MPP7: variants seen among roughly 807,000 people sequenced by gnomAD.
MPP7 encodes the protein MAGUK p55 scaffold protein 7, also known as MAGUK p55 subfamily member 7.
In MPP7, 60 loss-of-function variants were observed where a neutral mutation model predicts 76.5. The observed-to-expected ratio is 0.78, with a 90% CI of 0.64 to 0.97. The LOEUF is 0.97. Ranked by LOEUF, MPP7 falls within the 50% of genes least tolerant of loss-of-function variation. The pLI is 0.00. For missense variants in MPP7, 641 were observed against 694.0 expected (o/e 0.92, Z 0.86); for synonymous variants, 237 against 244.5 (o/e 0.97, Z 0.29).
chr10:28,186,271 A>C (rs947694416), intron 3 of MPP7, among the ~76,000 whole-genome samples: 1 of 151,552 alleles, frequency 6.6e-6, no homozygotes, highest in Admixed American at 6.6e-5. Flanking sequence ...GCTTGAACCC[A>C]GGAGGTGGAG....
At chr10:28,068,131 T>A (rs1852067034) in intron 13 of MPP7, among the ~76,000 whole-genome samples, 1 of 152,156 alleles carries the variant, frequency 6.6e-6, no homozygotes, top group South Asian at 2.1e-4. Flanking sequence ...AGCTTAAAAA[T>A]TATTTTGTAA....
chr10:28,142,195 T>C (rs1835543183), intron 5 of MPP7, among the ~76,000 whole-genome samples: 1 of 152,186 alleles, frequency 6.6e-6, no homozygotes, highest in African/African-American at 2.4e-5. Flanking sequence ...TAAAAGTACA[T>C]ATTTCTACCC....
At chr10:28,105,275 A>G (rs1834287680) in intron 11 of MPP7, among the ~76,000 whole-genome samples, 1 of 151,662 alleles carries the variant, frequency 6.6e-6, no homozygotes, top group Non-Finnish European at 1.5e-5. Flanking sequence ...TTGAAGAAAC[A>G]TATTGTCTCA....
At chr10:28,307,634 A>G (rs1044392568), upstream of MPP7, 1 of 152,240 alleles carries the variant, frequency 6.6e-6, no homozygotes, top group Non-Finnish European at 1.5e-5. Flanking sequence ...CTCACAGGTA[A>G]TAAAAATCAT....
chr10:28,108,818 G>A (rs929091890), intron 11 of MPP7, among the ~76,000 whole-genome samples: 5 of 152,102 alleles, frequency 3.3e-5, no homozygotes, highest in African/African-American at 1.2e-4. Flanking sequence ...TCATTTTAAT[G>A]CCTTGAGCAA....
At chr10:28,109,859 A>AC (rs1834442189) in intron 11 of MPP7, among the ~76,000 whole-genome samples, 1 of 148,824 alleles carries the variant, frequency 6.7e-6, no homozygotes. Flanking sequence ...AAAAAAAAAA[A>AC]AAAAAAAAAA....
chr10:28,212,156 G>A (rs578048238), intron 2 of MPP7, among the ~76,000 whole-genome samples: 24 of 152,048 alleles, frequency 1.6e-4, no homozygotes, highest in Non-Finnish European at 2.9e-4. Context: ...CATCACTCTG[G>A]CTGCTGAATT....
At chr10:28,200,966 C>G (rs539681897) in intron 3 of MPP7, among the ~76,000 whole-genome samples, 1 of 152,140 alleles carries the variant, frequency 6.6e-6, no homozygotes, top group Non-Finnish European at 1.5e-5. Context: ...AACTTCCACA[C>G]AGTCAACTTA....
intron 2 of MPP7, among the ~76,000 whole-genome samples, chr10:28,209,950 T>A (rs1170721783): frequency 2.0e-5 from 3 of 152,190 alleles, no homozygotes; most frequent in Non-Finnish European, 2.9e-5. Flanking sequence ...TCACTGAGAG[T>A]CCAAATAGAT....
chr10:28,216,439 G>A (rs774534647), intron 2 of MPP7, among the ~76,000 whole-genome samples: 3 of 152,090 alleles, frequency 2.0e-5, no homozygotes, highest in Non-Finnish European at 4.4e-5. Context: ...GACAATATTG[G>A]CTGATGTAAA....
chr10:28,140,494 G>C (rs549199246), intron 5 of MPP7, among the ~76,000 whole-genome samples: 1 of 152,008 alleles, frequency 6.6e-6, no homozygotes, highest in African/African-American at 2.4e-5. Flanking sequence ...CTGGGCGACA[G>C]AGTGAGACTT....
intron 2 of MPP7, among the ~76,000 whole-genome samples, chr10:28,232,164 C>T (rs1838906337): frequency 6.6e-6 from 1 of 152,066 alleles, no homozygotes; most frequent in Admixed American, 6.6e-5. Flanking sequence ...TTGAGACCAG[C>T]CTGGGCAACA....
intron 3 of MPP7, among the ~76,000 whole-genome samples, chr10:28,165,156 T>C (rs767294876): frequency 2.6e-5 from 4 of 152,146 alleles, no homozygotes; most frequent in Non-Finnish European, 5.9e-5. Flanking sequence ...CCCCCAAAGA[T>C]GTCTGCATCC....
At chr10:28,208,500 G>T (rs1165531158) in intron 2 of MPP7, among the ~76,000 whole-genome samples, 1 of 152,216 alleles carries the variant, frequency 6.6e-6, no homozygotes, top group Non-Finnish European at 1.5e-5. Flanking sequence ...CTGGGAGTCT[G>T]CCCATGGGCG....
intron 11 of MPP7, among the ~76,000 whole-genome samples, chr10:28,116,105 T>C (rs1834657232): frequency 6.6e-6 from 1 of 152,170 alleles, no homozygotes; most frequent in African/African-American, 2.4e-5. Context: ...TAAAATACAC[T>C]ACCTGAATAA....
At chr10:28,155,318 G>A (rs890889186) in intron 3 of MPP7, among the ~76,000 whole-genome samples, 5 of 152,066 alleles carry the variant, frequency 3.3e-5, no homozygotes, top group South Asian at 2.1e-4. Context: ...GGCCAAGTGC[G>A]GTGGCTCACA....
chr10:28,154,620 T>C (rs1250517371), intron 3 of MPP7, among the ~76,000 whole-genome samples: 1 of 152,202 alleles, frequency 6.6e-6, no homozygotes, highest in Non-Finnish European at 1.5e-5. Context: ...AATGTAGTGA[T>C]ACTATTTGAA....
rs1402968241 is a variant in MPP7, at chr10:28,238,624, G to C, written c.-20C>G. 1 of 1,614,006 alleles carries C rather than the reference G, an allele frequency of 6.2e-7. No individual in the cohort carries two copies. Among genetic ancestry groups the C allele is most frequent in the Admixed American group, 1.7e-5 (1 of 59,992 alleles). ...TGGCATGATGCAAGGTGTAGGAACA[G>C]GTCAGCCCACCGCTCTCCGGACACC... is the stretch of plus-strand genomic sequence containing the variant. On this transcript the variant is annotated 5_prime_UTR_variant, in exon 2 of 17. Transcript: ENST00000683449.
intron 3 of MPP7, among the ~76,000 whole-genome samples, chr10:28,182,431 T>A (rs1405793969): frequency 6.6e-6 from 1 of 152,204 alleles, no homozygotes; most frequent in Non-Finnish European, 1.5e-5. Context: ...TACAATCCGT[T>A]AGAAAAGTAA....
Sources: gnomAD v4.1 joint callset for allele counts (sites outside exome capture counted in the v4.1 genomes callset) on GRCh38, gnomAD v4.1.1 for gene constraint, MANE v1.5 for transcripts, NCBI Gene and HGNC (gene_info 2026-07-23, HGNC 2026-07-21) for gene names.